CHD2: variants seen among roughly 807,000 people sequenced by gnomAD.
The protein encoded by CHD2 is chromodomain helicase DNA binding protein 2, also known as ATP-dependent chromatin remodeler CHD2.
A neutral mutation model predicts 243.9 loss-of-function variants in CHD2; 28 were observed. The observed-to-expected ratio is 0.11, with a 90% confidence interval of 0.09 to 0.16. The LOEUF is 0.16. CHD2 is among the 10% of genes least tolerant of loss of function. CHD2 has a pLI of 1.00. For synonymous variants in CHD2, 775 were observed against 779.0 expected, an observed-to-expected ratio of 0.99 and a Z score of 0.09; for missense variants, 1,386 against 2,209.8, an observed-to-expected ratio of 0.63 and a Z score of 7.47.
intron 11 of CHD2, 25 bp downstream of exon 11, chr15:92,945,890 A>G (rs770647961): frequency 1.3e-6 from 2 of 1,553,832 alleles, no homozygotes; most frequent in African/African-American, 1.4e-5. Flanking sequence ...TTATTTATAA[A>G]TGTTCTTCAA....
At chr15:93,003,260 T>G (rs922421135) in intron 33 of CHD2, among the ~76,000 whole-genome samples, 1 of 149,408 alleles carries the variant, frequency 6.7e-6, no homozygotes, top group Non-Finnish European at 1.5e-5. Flanking sequence ...TCACTCCAGC[T>G]TGGGCAACAG....
intron 5 of CHD2, among the ~76,000 whole-genome samples, chr15:92,935,038 C>CT (rs35542698): frequency 0.2 from 27,520 of 138,632 alleles, 3,264 homozygotes; most frequent in Admixed American, 0.27. Flanking sequence ...TTCTTTCTTT[C>CT]TTTTTTTTTT....
chr15:93,010,635 G>A (rs1272778446), intron 35 of CHD2, among the ~76,000 whole-genome samples: 3 of 152,016 alleles, frequency 2.0e-5, no homozygotes, highest in Non-Finnish European at 4.4e-5. Context: ...TGTTGACCAG[G>A]CTGGTCTCGA....
intron 2 of CHD2, among the ~76,000 whole-genome samples, chr15:92,907,637 T>C (rs1389568907): frequency 6.6e-6 from 1 of 152,184 alleles, no homozygotes; most frequent in Non-Finnish European, 1.5e-5. Context: ...TGATTGGACT[T>C]GTAATTTTCT....
At chr15:93,010,269 G>A (rs2054374084) in intron 35 of CHD2, among the ~76,000 whole-genome samples, 1 of 152,168 alleles carries the variant, frequency 6.6e-6, no homozygotes, top group Non-Finnish European at 1.5e-5. Context: ...TGCAATTGCA[G>A]ATTATGCTGC....
At chr15:92,917,792 T>TAC (rs900942386) in intron 2 of CHD2, among the ~76,000 whole-genome samples, 9 of 152,070 alleles carry the variant, frequency 5.9e-5, no homozygotes, top group Non-Finnish European at 8.8e-5. Flanking sequence ...CACACGCACA[T>TAC]ACACACACAC....
chr15:92,981,780 G>C (rs1193035022), intron 24 of CHD2, among the ~76,000 whole-genome samples: 1 of 152,184 alleles, frequency 6.6e-6, no homozygotes, highest in African/African-American at 2.4e-5. Flanking sequence ...CAATAGATCA[G>C]ATGCCAAAGA....
At chr15:92,916,129 T>C (rs1252781000) in intron 2 of CHD2, among the ~76,000 whole-genome samples, 2 of 152,248 alleles carry the variant, frequency 1.3e-5, no homozygotes, top group Admixed American at 1.3e-4. Context: ...CTGCTTCCAG[T>C]TGTCCGGCCT....
chr15:92,940,929 T>A (rs1297450764), intron 7 of CHD2, among the ~76,000 whole-genome samples: 5 of 137,018 alleles, frequency 3.6e-5, no homozygotes, highest in Non-Finnish European at 7.7e-5. Context: ...TACATATAAA[T>A]ATATATAAAA....
intron 5 of CHD2, among the ~76,000 whole-genome samples, chr15:92,931,715 G>T (rs964355616): frequency 6.6e-6 from 1 of 151,970 alleles, no homozygotes. Context: ...TGTTTTTTAT[G>T]AACTATTTGA....
chr15:93,003,309 T>A (rs36032658), intron 33 of CHD2, among the ~76,000 whole-genome samples: 6 of 150,064 alleles, frequency 4.0e-5, no homozygotes, highest in Non-Finnish European at 8.9e-5. Context: ...AAAAAAATCA[T>A]TTTTAATAGT....
At position 92,967,320 on chromosome 15, in the gene CHD2, C is replaced by A; in HGVS notation, c.2001-5C>A. 6.3e-7 allele frequency: 1 copy of A among 1,597,264 alleles called. No homozygotes were observed. The highest frequency in any genetic ancestry group is 8.5e-7 in the Non-Finnish European group (1 of 1,169,966). On this transcript the variant is annotated splice_polypyrimidine_tract_variant and splice_region_variant and intron_variant, in intron 16 of 38. Transcript: ENST00000394196. ...CTAAATAACACTATACTGTTTCTTC[C>A]CTAGGTTTGAATTTTGGGAAGATTT... is the stretch of plus-strand genomic sequence containing the variant.
At chr15:92,930,989 TCTC>T (rs1567129953) in intron 5 of CHD2, among the ~76,000 whole-genome samples, 1 of 152,154 alleles carries the variant, frequency 6.6e-6, no homozygotes, top group Admixed American at 6.5e-5. Flanking sequence ...AGAGAGCTCT[TCTC>T]CTGAGTCACC....
chr15:92,966,027 A>T (rs1282108728), intron 16 of CHD2, among the ~76,000 whole-genome samples: 1 of 149,462 alleles, frequency 6.7e-6, no homozygotes, highest in Non-Finnish European at 1.5e-5. Flanking sequence ...CATCTCCAGC[A>T]TTGAGATAGT....
chr15:93,026,786 C>G lies in CHD2; in HGVS notation c.*2081C>G, dbSNP rs2054589795. 1 of 152,322 alleles carries G rather than the reference C, an allele frequency of 6.6e-6. No homozygotes were observed. The highest frequency in any genetic ancestry group is 1.5e-5 in the Non-Finnish European group (1 of 68,090). The allele number at this position is 152,322 out of a possible 1,614,324, so 9.4% of individuals were successfully genotyped here. A position where few individuals can be genotyped will look rare whatever the true frequency, so the allele number is the denominator to read the frequency against. ...GAAGGTTAGGTTGGCTTGTCGAGCC[C>G]TTGAGCGTTGGGAGATGGGGTGGGA... On this transcript the variant is annotated 3_prime_UTR_variant, in exon 39 of 39. Coordinates refer to ENST00000394196, the MANE Select transcript of CHD2 (RefSeq NM_001271.4).
chr15:92,993,098 A>G (rs527656425), intron 28 of CHD2, 100 bp downstream of exon 28: 132 of 1,218,748 alleles, frequency 1.1e-4, no homozygotes, highest in Non-Finnish European at 1.4e-4. Flanking sequence ...AGGACCACAC[A>G]TGCCTAGTGA....
chr15:92,957,227 C>T (rs1274605065), intron 16 of CHD2, among the ~76,000 whole-genome samples: 1 of 152,222 alleles, frequency 6.6e-6, no homozygotes, highest in East Asian at 1.9e-4. Flanking sequence ...TCTGATTCCT[C>T]TCATCCACTT....
Position 92,974,861 on chromosome 15 carries a change from TGTG to T in CHD2, c.2506-15_2506-13del, listed in dbSNP as rs1213394885. ...TGATCTTCCTATCTTACAGTTTTCT[TGTG>T]GTTTATTTTTACAGCGTCTGGATGG... On this transcript the variant is annotated splice_polypyrimidine_tract_variant and intron_variant, in intron 19 of 38. Transcript: ENST00000394196. The T allele has an allele frequency of 1.2e-6, 2 of 1,612,322 alleles. No individual in the cohort carries two copies. Among genetic ancestry groups the T allele is most frequent in the Non-Finnish European group, 1.7e-6 (2 of 1,178,526 alleles).
intron 16 of CHD2, among the ~76,000 whole-genome samples, chr15:92,956,993 G>T (rs79824818): frequency 0.033 from 4,974 of 152,232 alleles, 146 homozygotes; most frequent in Non-Finnish European, 0.044. Context: ...GCACTGAAAA[G>T]TATGTTATAC....
Sources: gnomAD v4.1 joint callset for allele counts (sites outside exome capture counted in the v4.1 genomes callset) on GRCh38, gnomAD v4.1.1 for gene constraint, MANE v1.5 for transcripts, NCBI Gene and HGNC (gene_info 2026-07-23, HGNC 2026-07-21) for gene names.